OR51L1: variants seen among roughly 807,000 people sequenced by gnomAD.
The protein encoded by OR51L1 is olfactory receptor family 51 subfamily L member 1, also known as olfactory receptor 51L1.
In OR51L1, 1 loss-of-function variant was observed where a neutral mutation model predicts 1.4. The observed-to-expected ratio is 0.72, with a 90% CI of 0.26 to 3.42. The LOEUF (loss-of-function observed/expected upper bound fraction) is 3.42, where lower values mean the gene tolerates loss of function less well. Among genes scored for constraint, OR51L1 ranks in the 30% most tolerant of loss-of-function variants. The pLI is 0.20. For synonymous variants in OR51L1, 156 were observed against 144.2 expected (o/e 1.08, Z -0.59); for missense variants, 378 against 380.0 (o/e 0.99, Z 0.04).
At position 5,002,533 on chromosome 11, in the gene OR51L1, G is replaced by A. The variant is rs1397397221; in HGVS notation, c.*2603G>A. The A allele has an allele frequency of 6.7e-6, 1 of 149,034 alleles. No individual in the cohort carries two copies. Among genetic ancestry groups the A allele is most frequent in the Non-Finnish European group, 1.5e-5 (1 of 67,252 alleles). 9.2% of individuals were successfully genotyped at this position (149,034 alleles called of 1,614,324 possible). A position where few individuals can be genotyped will look rare whatever the true frequency, so the allele number is the denominator to read the frequency against. On this transcript the variant is annotated 3_prime_UTR_variant, in exon 3 of 3. Coordinates refer to ENST00000641819, the MANE Select transcript of OR51L1 (RefSeq NM_001004755.2). The stretch of plus-strand genomic sequence containing the variant: ...GCCCCAGCTGCTGGCAGTAAGTCCA[G>A]TAGAAAGCCTTCAATTTTTTTTTTT...
At position 5,004,158 on chromosome 11, in the gene OR51L1, A is replaced by C. The variant is rs954173445; in HGVS notation, c.*4228A>C. The C allele has an allele frequency of 1.1e-4, 17 of 152,204 alleles. No individual in the cohort carries two copies. The highest frequency in any genetic ancestry group is 5.2e-4 in the Admixed American group (8 of 15,274). The allele number at this position is 152,204 out of a possible 1,614,324, so 9.4% of individuals were successfully genotyped here. A position where few individuals can be genotyped will look rare whatever the true frequency, so the allele number is the denominator to read the frequency against. ...GGTACTCCCCAAGCCCGAGGTTGAA[A>C]CTTCATTTGAGAATGCATAGTCTTA... On this transcript the variant is annotated 3_prime_UTR_variant, in exon 3 of 3. Coordinates refer to ENST00000641819, the MANE Select transcript of OR51L1 (RefSeq NM_001004755.2).
chr11:4,996,817 C>CTG (rs147951127), intron 1 of OR51L1, among the ~76,000 whole-genome samples: 6 of 147,880 alleles, frequency 4.1e-5, no homozygotes, highest in South Asian at 2.1e-4. Flanking sequence ...CTCTCTCACT[C>CTG]TGTGTGTGTG....
intron 2 of OR51L1, among the ~76,000 whole-genome samples, chr11:4,998,421 TA>T (rs1847092224): frequency 6.6e-6 from 1 of 151,962 alleles, no homozygotes; most frequent in Non-Finnish European, 1.5e-5. Context: ...TCTTTTCATA[TA>T]GGGGTATTTA....
At position 5,005,040 on chromosome 11, in the gene OR51L1, A is replaced by G. The variant is rs764026860; in HGVS notation, c.*5110A>G. 1 of 152,216 alleles carries G rather than the reference A, an allele frequency of 6.6e-6. No individual in the cohort carries two copies. Among genetic ancestry groups the G allele is most frequent in the Non-Finnish European group, 1.5e-5 (1 of 68,044 alleles). 9.4% of individuals were successfully genotyped at this position (152,216 alleles called of 1,614,324 possible). ...CATGAATAACTGTTACTAACATTAT[A>G]TATCAGCCAGACTGGAAAGGTAAAT... On this transcript the variant is annotated 3_prime_UTR_variant, in exon 3 of 3. Coordinates refer to ENST00000641819, the MANE Select transcript of OR51L1 (RefSeq NM_001004755.2).
chr11:5,003,355 C>T lies in OR51L1; in HGVS notation c.*3425C>T, dbSNP rs1286301982. The T allele has an allele frequency of 6.6e-6, 1 of 152,050 alleles. No homozygotes were observed. 9.4% of individuals were successfully genotyped at this position (152,050 alleles called of 1,614,324 possible). On this transcript the variant is annotated 3_prime_UTR_variant, in exon 3 of 3. Transcript: ENST00000641819. ...CCATCTGAGGCTTTCTTCCCTTTCTCGGTGGTGTGCCCTCAGAAGGTCATA... is the reference window on the plus strand; with the variant it reads ...CCATCTGAGGCTTTCTTCCCTTTCTTGGTGGTGTGCCCTCAGAAGGTCATA...
chr11:4,998,973 CAA>C lies in OR51L1; in HGVS notation c.-8_-7del, dbSNP rs767541099. The C allele has an allele frequency of 3.2e-5, 52 of 1,606,420 alleles. No individual in the cohort carries two copies. The highest frequency in any genetic ancestry group is 4.1e-5 in the Non-Finnish European group (48 of 1,175,232). ...ATTCCTCACTACTTGCTGAATTACT[CAA>C]AGTCACTATGGGAGACTGGAATAAC... is the stretch of plus-strand genomic sequence containing the variant. On this transcript the variant is annotated 5_prime_UTR_variant, in exon 3 of 3. Transcript: ENST00000641819.
At chr11:4,998,741 G>A (rs749640936) in intron 2 of OR51L1, 83 bp from the exon 3 acceptor site, 2 of 430,044 alleles carry the variant, frequency 4.7e-6, no homozygotes, top group Non-Finnish European at 8.2e-6. Flanking sequence ...CGTATTTCTT[G>A]CCAGAGATGA....
Position 4,999,772 on chromosome 11 carries a change from C to T in OR51L1, c.790C>T (p.His264Tyr), listed in dbSNP as rs778816770. The change falls in exon 3 of 3, where the codon CAT (histidine) becomes TAT (tyrosine). Residue 264 changes from histidine (H) to tyrosine (Y), a missense_variant. By Grantham distance (83) the His-to-Tyr change is moderately conservative. Transcript: ENST00000641819. ...GCCAGTTATTGGGGTGTCAATGGTC[C>T]ATCGCTTTGGGAAGCATCTGTCTCC... ...FVPVIGVSMV[H>Y]RFGKHLSPIV... The T allele has an allele frequency of 6.2e-7, 1 of 1,614,002 alleles. No individual in the cohort carries two copies.
rs1304555732 is a variant in OR51L1, at chr11:5,003,805, G to A, written c.*3875G>A. On this transcript the variant is annotated 3_prime_UTR_variant, in exon 3 of 3. Transcript: ENST00000641819. ...TTCAAGTTGACATTGTGAGATGTATGTATACAACCATCTTCTACAATCTAT... is the reference window on the plus strand; with the variant it reads ...TTCAAGTTGACATTGTGAGATGTATATATACAACCATCTTCTACAATCTAT... 6.6e-6 allele frequency: 1 copy of A among 152,092 alleles called. No homozygotes were observed. The highest frequency in any genetic ancestry group is 1.5e-5 in the Non-Finnish European group (1 of 68,022). 9.4% of individuals were successfully genotyped at this position (152,092 alleles called of 1,614,324 possible).
rs756222153 is a variant in OR51L1, at chr11:4,999,223, C to T, written c.241C>T (p.Pro81Ser). Residue 81 changes from proline (P) to serine (S), a missense_variant, in exon 3 of 3, where the codon CCC (proline) becomes TCC (serine). Physicochemically the swap from Pro to Ser is moderately conservative, Grantham distance 74. Coordinates refer to ENST00000641819, the MANE Select transcript of OR51L1 (RefSeq NM_001004755.2). The stretch of plus-strand genomic sequence containing the variant: ...CCTGGGGATGTCCCTGTCTACACTT[C>T]CCACCATGCTTGCTGTGTTATGGTT... ...NDLGMSLSTL[P>S]TMLAVLWLDA... 6 of 1,614,182 alleles carry T rather than the reference C, an allele frequency of 3.7e-6. No individual in the cohort carries two copies. Among genetic ancestry groups the T allele is most frequent in the Non-Finnish European group, 5.1e-6 (6 of 1,180,024 alleles).
intron 1 of OR51L1, among the ~76,000 whole-genome samples, chr11:4,995,838 A>G (rs942217996): frequency 5.3e-5 from 8 of 152,178 alleles, no homozygotes; most frequent in African/African-American, 1.9e-4. Context: ...AAGACAATAA[A>G]TGGATTTTAA....
chr11:4,996,726 TTTCTTTC>T lies in OR51L1; in HGVS notation c.-261-753_-261-747del, dbSNP rs796800040. ...TCCTTCCTTCCTTTCTTTTCTTTTC[TTTCTTTC>T]TTTCTTTCTTTCTTTCTTTCTTTCT... On this transcript the variant is annotated intron_variant, in intron 1 of 2. Coordinates refer to ENST00000641819, the MANE Select transcript of OR51L1 (RefSeq NM_001004755.2). 5.7e-3 allele frequency among the ~76,000 whole-genome samples: 383 copies of T among 67,336 alleles called. 1 individual carries two copies. Among genetic ancestry groups the T allele is most frequent in the South Asian group, 0.032 (71 of 2,212 alleles). The allele number at this position is 67,336 out of a possible 152,430, so 44.2% of individuals were successfully genotyped here. A position where few individuals can be genotyped will look rare whatever the true frequency, so the allele number is the denominator to read the frequency against.
rs752853746 is a variant in OR51L1, at chr11:4,999,084, T to C, written c.102T>C (p.Cys34=). Residue 34 remains cysteine, a synonymous_variant, in exon 3 of 3, where the codon TGT becomes TGC. Coordinates refer to ENST00000641819, the MANE Select transcript of OR51L1 (RefSeq NM_001004755.2). Reference sequence around the variant, plus strand: ...ATTCTTGGCTCTCCATCCTCTTCTGTCTTGCATATTTGGTAGCATTTATGG... The same window carrying C: ...ATTCTTGGCTCTCCATCCTCTTCTGCCTTGCATATTTGGTAGCATTTATGG... ...YVHSWLSILF[C]LAYLVAFMGN... The C allele has an allele frequency of 6.2e-7, 1 of 1,614,160 alleles. No individual in the cohort carries two copies. Among genetic ancestry groups the C allele is most frequent in the East Asian group, 2.2e-5 (1 of 44,886 alleles).
In OR51L1 at chr11:4,999,838, C is replaced by A; in HGVS notation, c.856C>A (p.Pro286Thr). Reference protein sequence around the residue: ...ILMADIYLLLPPVLNPIVYSV... With the variant: ...ILMADIYLLLTPVLNPIVYSV... ...CATGGCAGACATCTACCTTCTTCTT[C>A]CCCCAGTCCTTAACCCTATTGTCTA... The change falls in exon 3 of 3, where the codon CCC (proline) becomes ACC (threonine). Residue 286 changes from proline to threonine, a missense_variant. Transcript: ENST00000641819. 1.2e-6 allele frequency: 2 copies of A among 1,613,976 alleles called. No individual in the cohort carries two copies. The highest frequency in any genetic ancestry group is 1.7e-6 in the Non-Finnish European group (2 of 1,179,936).
Position 4,998,368 on chromosome 11 carries a change from A to G in OR51L1, c.-159-456A>G, listed in dbSNP as rs1188679195. On this transcript the variant is annotated intron_variant, in intron 2 of 2. Transcript: ENST00000641819. The stretch of plus-strand genomic sequence containing the variant: ...CAGCTCAATAAAGCATGCTGGGATT[A>G]TGGATTCTGGTATTATGGATTCTGT... Among the ~76,000 whole-genome samples the G allele has an allele frequency of 5.9e-5, 9 of 152,030 alleles. No individual in the cohort carries two copies. In the South Asian group the frequency reaches 1.9e-3, roughly 32 times the overall value.
In OR51L1 at chr11:4,999,924, G is replaced by T. The variant is rs1847114301; in HGVS notation, c.942G>T (p.Arg314Ser). The T allele has an allele frequency of 6.2e-7, 1 of 1,603,540 alleles. No homozygotes were observed. The highest frequency in any genetic ancestry group is 1.3e-5 in the African/African-American group (1 of 74,694). ...TCCACAAGTTTGTCCTAAGGAGGAG[G>T]TTTTAAGTAACCTCTGTCCTCCAAC... ...GILHKFVLRR[R>S]F The change falls in exon 3 of 3, where the codon AGG (arginine) becomes AGT (serine). Residue 314 changes from arginine to serine, a missense_variant. By Grantham distance (110) the Arg-to-Ser change is moderately radical (BLOSUM62 -1). Coordinates refer to ENST00000641819, the MANE Select transcript of OR51L1 (RefSeq NM_001004755.2).
rs537711272 is a variant in OR51L1 at position 5,002,760 on chromosome 11, C to T, written c.*2830C>T. On this transcript the variant is annotated 3_prime_UTR_variant, in exon 3 of 3. Transcript: ENST00000641819. ...GCCTGATTCACAGGTCAACTTTTCC[C>T]TCTGCCCAATCCTACCCACTTTCAT... 10 of 152,262 alleles carry T rather than the reference C, an allele frequency of 6.6e-5. No individual in the cohort carries two copies. The highest frequency in any genetic ancestry group is 2.1e-4 in the South Asian group (1 of 4,820). 9.4% of individuals were successfully genotyped at this position (152,262 alleles called of 1,614,324 possible).
chr11:5,000,840 A>G lies in OR51L1; in HGVS notation c.*910A>G, dbSNP rs1847123309. 1 of 152,446 alleles carries G rather than the reference A, an allele frequency of 6.6e-6. No homozygotes were observed. Among genetic ancestry groups the G allele is most frequent in the African/African-American group, 2.4e-5 (1 of 41,466 alleles). 9.4% of individuals were successfully genotyped at this position (152,446 alleles called of 1,614,324 possible). ...TCTTGGGTCATCTGGTGGGTCATCC[A>G]GTAGTCTGGCCAGTGGGGGAGAATT... is the stretch of plus-strand genomic sequence containing the variant. On this transcript the variant is annotated 3_prime_UTR_variant, in exon 3 of 3. Coordinates refer to ENST00000641819, the MANE Select transcript of OR51L1 (RefSeq NM_001004755.2).
chr11:4,998,194 AACACACACACACACACACACACACACAC>A (rs3066001), intron 2 of OR51L1, among the ~76,000 whole-genome samples: 36 of 145,886 alleles, frequency 2.5e-4, no homozygotes, highest in Non-Finnish European at 4.8e-4. Flanking sequence ...TTATTTCACA[AACACACACACACACACACACACACACAC>A]ACACACACAC....
Sources: gnomAD v4.1 joint callset for allele counts (sites outside exome capture counted in the v4.1 genomes callset) on GRCh38, gnomAD v4.1.1 for gene constraint, MANE v1.5 for transcripts, NCBI Gene and HGNC (gene_info 2026-07-23, HGNC 2026-07-21) for gene names.